The following PRSS58 variants were observed in gnomAD, a reference collection of about 807,000 sequenced individuals.
The protein encoded by PRSS58 is serine protease 58, also known as protease, serine 58.
Under a neutral mutation model 25.0 loss-of-function variants are expected in PRSS58, and 31 were observed. The observed-to-expected ratio is 1.24, with a 90% CI of 0.93 to 1.67. The LOEUF is 1.67. Ranked by LOEUF, PRSS58 falls within the 40% of genes most tolerant of loss-of-function variation. The pLI is 0.00. For missense variants in PRSS58, 324 were observed against 287.9 expected (o/e 1.13, Z -0.91); for synonymous variants, 119 against 106.1 (o/e 1.12, Z -0.75).
chr7:142,257,593 C>T lies in PRSS58; in HGVS notation c.40+75G>A, dbSNP rs143636658. On this transcript the variant is annotated intron_variant, in intron 2 of 5. Coordinates refer to ENST00000547058, the MANE Select transcript of PRSS58 (RefSeq NM_001001317.5). ...ACTTGAATTCTGGAATGATGCCTCTCGCTGTTACCCGTCTTTCATGCTTTT... is the reference window on the plus strand; with the variant it reads ...ACTTGAATTCTGGAATGATGCCTCTTGCTGTTACCCGTCTTTCATGCTTTT... The T allele has an allele frequency of 6.7e-4, 849 of 1,275,660 alleles. 2 individuals carry two copies. The highest frequency in any genetic ancestry group is 8.6e-4 in the Non-Finnish European group (751 of 873,870). The allele number at this position is 1,275,660 out of a possible 1,614,324, so 79.0% of individuals were successfully genotyped here. A position where few individuals can be genotyped will look rare whatever the true frequency, so the allele number is the denominator to read the frequency against.
At position 142,255,564 on chromosome 7, in the gene PRSS58, C is replaced by A; in HGVS notation, c.150G>T (p.Trp50Cys). Residue 50 changes from tryptophan (W) to cysteine (C), a missense_variant, in exon 3 of 6, where the codon TGG becomes TGT. Transcript: ENST00000547058. ...PCAGVLIHPL[W>C]VITAAHCNLP... is the part of the protein sequence containing the mutation. ...AATTGCAGTGTGCAGCTGTGATCACCCAAAGCGGGTGGATCAGGACTCCAG... is the reference window on the plus strand; with the variant it reads ...AATTGCAGTGTGCAGCTGTGATCACACAAAGCGGGTGGATCAGGACTCCAG... 6.2e-7 allele frequency: 1 copy of A among 1,614,016 alleles called. No homozygotes were observed. Among genetic ancestry groups the A allele is most frequent in the Non-Finnish European group, 8.5e-7 (1 of 1,179,986 alleles).
chr7:142,256,434 T>C (rs1798556266), intron 2 of PRSS58, among the ~76,000 whole-genome samples: 1 of 151,910 alleles, frequency 6.6e-6, no homozygotes, highest in African/African-American at 2.4e-5. Flanking sequence ...CAATTGTGTG[T>C]TGGGGGAGAA....
At chr7:142,254,753 A>G (rs1211025264) in intron 4 of PRSS58, among the ~76,000 whole-genome samples, 2 of 152,242 alleles carry the variant, frequency 1.3e-5, no homozygotes, top group Non-Finnish European at 2.9e-5. Context: ...AGAGTTAAGG[A>G]AATTGAGGCT....
intron 4 of PRSS58, among the ~76,000 whole-genome samples, chr7:142,254,608 C>T (rs569323357): frequency 3.3e-5 from 5 of 152,186 alleles, no homozygotes; most frequent in African/African-American, 7.2e-5. Flanking sequence ...GAAGTTCTAT[C>T]GCATTTAGTA....
At chr7:142,257,782 C>G in intron 1 of PRSS58, 34 bp from the exon 2 acceptor site, 5 of 1,212,912 alleles carry the variant, frequency 4.1e-6, no homozygotes, top group Non-Finnish European at 6.1e-6. Context: ...CTAAATAAAA[C>G]AAAGCAAGAT....
rs1015831051 is a variant in PRSS58 at position 142,252,382 on chromosome 7, A to G, written c.577-12T>C. 6.2e-7 allele frequency: 1 copy of G among 1,611,220 alleles called. No individual in the cohort carries two copies. Among genetic ancestry groups the G allele is most frequent in the Non-Finnish European group, 8.5e-7 (1 of 1,179,236 alleles). ...GCAGCAGAAACTTCCTGCCAGGAAA[A>G]CAATAATAACAACAACAAAAAAGCA... On this transcript the variant is annotated splice_polypyrimidine_tract_variant and intron_variant, in intron 5 of 5. Coordinates refer to ENST00000547058, the MANE Select transcript of PRSS58 (RefSeq NM_001001317.5).
chr7:142,252,480 G>T lies in PRSS58; in HGVS notation c.568C>A (p.Pro190Thr). 6.2e-7 allele frequency: 1 copy of T among 1,613,874 alleles called. No individual in the cohort carries two copies. The highest frequency in any genetic ancestry group is 8.5e-7 in the Non-Finnish European group (1 of 1,179,944). Residue 190 changes from proline (P) to threonine (T), a missense_variant, in exon 5 of 6, where the codon CCC (proline) becomes ACC (threonine). Pro to Thr is a conservative substitution (Grantham distance 38). Transcript: ENST00000547058. ...CVGIVPGRRQPCKEVSAAPAI... is the reference protein window; with the variant it reads ...CVGIVPGRRQTCKEVSAAPAI... ...GATGAAGAGTATTTTACCTTGCAGG[G>T]CTGCCTCCTTCCTGGCACAATGCCC...
Position 142,255,233 on chromosome 7 carries a change from C to T in PRSS58, c.258G>A (p.Lys86=). ...EKHLQVIGYE[K]MIHHPHFSVT... is the part of the protein sequence containing the mutation. ...CTGAGAAGTGTGGATGATGAATCAT[C>T]TTCTCATAGCCAATCACTTGCAGAT... Residue 86 remains lysine (K), a synonymous_variant, in exon 4 of 6, where the codon AAG becomes AAA. Coordinates refer to ENST00000547058, the MANE Select transcript of PRSS58 (RefSeq NM_001001317.5). 6.2e-7 allele frequency: 1 copy of T among 1,614,030 alleles called. No individual in the cohort carries two copies.
At chr7:142,255,402 T>C (rs770963763) in intron 3 of PRSS58, 91 bp from the exon 4 acceptor site, 24 of 1,576,854 alleles carry the variant, frequency 1.5e-5, no homozygotes, top group Non-Finnish European at 2.0e-5. Context: ...CAGACCTTTT[T>C]CTGTACCCTC....
chr7:142,254,375 T>C (rs1798518855), intron 4 of PRSS58, among the ~76,000 whole-genome samples: 1 of 152,144 alleles, frequency 6.6e-6, no homozygotes, highest in Non-Finnish European at 1.5e-5. Flanking sequence ...GGGTGTTTTA[T>C]GGAATATGAA....
chr7:142,254,107 C>A (rs1302255694), intron 4 of PRSS58, among the ~76,000 whole-genome samples: 1 of 152,052 alleles, frequency 6.6e-6, no homozygotes, highest in East Asian at 1.9e-4. Flanking sequence ...CCTTTTCATA[C>A]TATGGTATCT....
chr7:142,256,640 T>A (rs2012278), intron 2 of PRSS58, among the ~76,000 whole-genome samples: 32,468 of 152,078 alleles, frequency 0.21, 4,508 homozygotes, highest in East Asian at 0.51. Flanking sequence ...TTAATTTTTT[T>A]AATAGAGATG....
Position 142,252,149 on chromosome 7 carries a change from G to A in PRSS58, c.*72C>T. The A allele has an allele frequency of 6.8e-7, 1 of 1,468,540 alleles. No homozygotes were observed. Among genetic ancestry groups the A allele is most frequent in the South Asian group, 1.4e-5 (1 of 74,016 alleles). The allele number at this position is 1,468,540 out of a possible 1,614,324, so 91.0% of individuals were successfully genotyped here. On this transcript the variant is annotated 3_prime_UTR_variant, in exon 6 of 6. Transcript: ENST00000547058. ...AGGTATGCATGGGGCAATGTGAGGA[G>A]TTAATTTATATTTAATTCTAAAGGT...
Position 142,257,686 on chromosome 7 carries a change from C to T in PRSS58, c.22G>A (p.Ala8Thr), listed in dbSNP as rs756557983. 2.2e-5 allele frequency: 36 copies of T among 1,612,786 alleles called. No homozygotes were observed. Among genetic ancestry groups the T allele is most frequent in the South Asian group, 3.3e-5 (3 of 90,956 alleles). The change falls in exon 2 of 6, where the codon GCT becomes ACT. Residue 8 changes from alanine to threonine, a missense_variant. Coordinates refer to ENST00000547058, the MANE Select transcript of PRSS58 (RefSeq NM_001001317.5). Reference protein sequence around the residue: MKFILLWALLNLTVALAF... With the variant: MKFILLWTLLNLTVALAF... ...CACTCACCAGTCAGATTCAAGAGAG[C>T]CCAGAGGAGGATAAACTTCATGATG...
chr7:142,254,531 A>G (rs1407541801), intron 4 of PRSS58, among the ~76,000 whole-genome samples: 2 of 152,208 alleles, frequency 1.3e-5, no homozygotes, highest in Non-Finnish European at 2.9e-5. Flanking sequence ...TTACCAGTTT[A>G]AAATGTTTAT....
chr7:142,252,312 G>T lies in PRSS58; in HGVS notation c.635C>A (p.Ala212Glu), dbSNP rs780869245. The change falls in exon 6 of 6, where the codon GCG becomes GAG. Residue 212 changes from alanine to glutamate, a missense_variant. By Grantham distance (107) the Ala-to-Glu change is moderately radical. Transcript: ENST00000547058. ...ATCAGCTCTCAAAACACATCCATCC[G>T]CAAAAGACAGGATTCCTTGAAGCAT... ...NGMLQGILSF[A>E]DGCVLRADVG... The T allele has an allele frequency of 5.0e-6, 8 of 1,614,062 alleles. No homozygotes were observed. The highest frequency in any genetic ancestry group is 6.8e-6 in the Non-Finnish European group (8 of 1,179,998).
At chr7:142,256,069 A>G (rs1253939373) in intron 2 of PRSS58, among the ~76,000 whole-genome samples, 1 of 152,154 alleles carries the variant, frequency 6.6e-6, no homozygotes, top group Non-Finnish European at 1.5e-5. Context: ...TCCCAACAAC[A>G]ACTCAAGACA....
rs765111680 is a variant in PRSS58 at position 142,252,177 on chromosome 7, A to C, written c.*44T>G. On this transcript the variant is annotated 3_prime_UTR_variant, in exon 6 of 6. Coordinates refer to ENST00000547058, the MANE Select transcript of PRSS58 (RefSeq NM_001001317.5). The stretch of plus-strand genomic sequence containing the variant: ...AATTTATATTTAATTCTAAAGGTGA[A>C]CGATGGGGACAAGCTGTGTCATATG... The C allele has an allele frequency of 1.1e-5, 17 of 1,557,570 alleles. No homozygotes were observed. In the South Asian group the frequency reaches 1.9e-4, roughly 18 times the overall value.
At position 142,257,974 on chromosome 7, in the gene PRSS58, T is replaced by C. The variant is rs74316727; in HGVS notation, c.-42+17A>G. On this transcript the variant is annotated intron_variant, in intron 1 of 5. Coordinates refer to ENST00000547058, the MANE Select transcript of PRSS58 (RefSeq NM_001001317.5). ...GGAACTCAGAGTTCTGCCCTCTGTC[T>C]TCAGGGAAGAAAGTACCAAAGCTAA... 553 of 448,312 alleles carry C rather than the reference T, an allele frequency of 1.2e-3. No homozygotes were observed. The highest frequency in any genetic ancestry group is 0.01 in the African/African-American group (513 of 50,592). The allele number at this position is 448,312 out of a possible 1,614,324, so 27.8% of individuals were successfully genotyped here. A position where few individuals can be genotyped will look rare whatever the true frequency, so the allele number is the denominator to read the frequency against.
Sources: gnomAD v4.1 joint callset for allele counts (sites outside exome capture counted in the v4.1 genomes callset) on GRCh38, gnomAD v4.1.1 for gene constraint, MANE v1.5 for transcripts, NCBI Gene and HGNC (gene_info 2026-07-23, HGNC 2026-07-21) for gene names.